The following ENOX1 variants were observed in gnomAD, a reference collection of about 807,000 sequenced individuals.
ENOX1 encodes the protein candidate growth-related and time keeping constitutive hydroquinone (NADH) oxidase.
In ENOX1, 42 loss-of-function variants were observed where a neutral mutation model predicts 82.5. That is an observed-to-expected ratio of 0.51 (90% confidence interval 0.40 to 0.66). The LOEUF (loss-of-function observed/expected upper bound fraction) is 0.66, where lower values mean the gene tolerates loss of function less well. Among genes scored for constraint, ENOX1 ranks in the 30% least tolerant of loss-of-function variants. The probability of loss-of-function intolerance (pLI) is 0.00; values close to 1 mark genes in which losing one functional copy is unlikely to be tolerated. For synonymous variants in ENOX1, 271 were observed against 282.2 expected, an observed-to-expected ratio of 0.96 and a Z score of 0.40; for missense variants, 608 against 811.6, an observed-to-expected ratio of 0.75 and a Z score of 3.05.
chr13:43,694,184 T>G (rs1481592655), intron 1 of ENOX1, among the ~76,000 whole-genome samples: 2 of 150,426 alleles, frequency 1.3e-5, no homozygotes, highest in East Asian at 2.0e-4. Context: ...ATTTTAAAAG[T>G]CAGAGTTTCC....
chr13:43,548,250 A>G (rs1184785144), intron 2 of ENOX1, among the ~76,000 whole-genome samples: 1 of 151,746 alleles, frequency 6.6e-6, no homozygotes, highest in Non-Finnish European at 1.5e-5. Context: ...ATTTCATAAA[A>G]GCAAAACAAC....
chr13:43,638,946 TAC>T (rs549173166), intron 2 of ENOX1, among the ~76,000 whole-genome samples: 86 of 152,338 alleles, frequency 5.6e-4, no homozygotes, highest in African/African-American at 2.0e-3. Flanking sequence ...GGAATATTAA[TAC>T]AATTTTGGGA....
chr13:43,716,075 C>T (rs993424794), intron 1 of ENOX1, among the ~76,000 whole-genome samples: 4 of 152,232 alleles, frequency 2.6e-5, no homozygotes, highest in African/African-American at 7.2e-5. Context: ...AGTCATTCTC[C>T]GTCCAGCTTT....
At chr13:43,428,673 TC>T (rs2055472891) in intron 3 of ENOX1, among the ~76,000 whole-genome samples, 1 of 152,126 alleles carries the variant, frequency 6.6e-6, no homozygotes, top group African/African-American at 2.4e-5. Context: ...CCAAATACAC[TC>T]TCTCTAACAC....
At chr13:43,760,859 GGAAAAAAAA>G (rs1164348102) in intron 1 of ENOX1, among the ~76,000 whole-genome samples, 1 of 79,454 alleles carries the variant, frequency 1.3e-5, no homozygotes, top group African/African-American at 3.4e-5. Context: ...GCATTAAAGT[GGAAAAAAAA>G]AAAAAAAACA....
At chr13:43,446,289 A>G (rs549295536) in intron 3 of ENOX1, among the ~76,000 whole-genome samples, 1 of 152,130 alleles carries the variant, frequency 6.6e-6, no homozygotes, top group Non-Finnish European at 1.5e-5. Flanking sequence ...ATATTTGTGG[A>G]GTGACTACAG....
chr13:43,618,376 G>C (rs1253778991), intron 2 of ENOX1, among the ~76,000 whole-genome samples: 1 of 152,128 alleles, frequency 6.6e-6, no homozygotes, highest in East Asian at 1.9e-4. Context: ...TATAGTTTCA[G>C]GTATCAGGTT....
intron 3 of ENOX1, among the ~76,000 whole-genome samples, chr13:43,473,883 TA>T (rs994740841): frequency 6.6e-6 from 1 of 152,154 alleles, no homozygotes; most frequent in Non-Finnish European, 1.5e-5. Flanking sequence ...TCTCCTTGAG[TA>T]AATCCTAACT....
intron 1 of ENOX1, among the ~76,000 whole-genome samples, chr13:43,734,596 C>A (rs976657812): frequency 6.6e-6 from 1 of 152,232 alleles, no homozygotes; most frequent in Non-Finnish European, 1.5e-5. Flanking sequence ...CAACTTTTCA[C>A]TCTCGTCATG....
intron 2 of ENOX1, among the ~76,000 whole-genome samples, chr13:43,576,135 T>G (rs1318331057): frequency 6.6e-6 from 1 of 152,196 alleles, no homozygotes; most frequent in African/African-American, 2.4e-5. Context: ...GTTAATTGTT[T>G]AAGAAGTGCA....
intron 14 of ENOX1, among the ~76,000 whole-genome samples, chr13:43,259,668 G>A (rs1422081405): frequency 6.6e-6 from 1 of 152,120 alleles, no homozygotes; most frequent in Non-Finnish European, 1.5e-5. Context: ...TAGAGACAGG[G>A]TTTCACCATC....
intron 2 of ENOX1, among the ~76,000 whole-genome samples, chr13:43,589,832 T>C (rs2081160947): frequency 6.7e-6 from 1 of 150,204 alleles, no homozygotes; most frequent in African/African-American, 2.5e-5. Context: ...AAATAAAAGC[T>C]GCCCTTAGTT....
At position 43,599,115 on chromosome 13, in the gene ENOX1, G is replaced by A. The variant is rs559159173; in HGVS notation, c.-219+68364C>T. On this transcript the variant is annotated intron_variant, in intron 2 of 16. Transcript: ENST00000690772. Reference sequence around the variant, plus strand: ...AAGTATTGAACTAGGAGAAAAGAGGGAAGAGGTTTAATAGAACCCTCCACC... The same window carrying A: ...AAGTATTGAACTAGGAGAAAAGAGGAAAGAGGTTTAATAGAACCCTCCACC... Among the ~76,000 whole-genome samples the A allele has an allele frequency of 1.7e-4, 26 of 152,090 alleles. No individual in the cohort carries two copies. The South Asian group carries it at 5.4e-3, about 32-fold the overall frequency.
chr13:43,563,396 A>G (rs185297071), intron 2 of ENOX1, among the ~76,000 whole-genome samples: 1 of 152,260 alleles, frequency 6.6e-6, no homozygotes, highest in Admixed American at 6.5e-5. Context: ...AAACAGTTAG[A>G]AAAGGGAAGT....
chr13:43,230,324 A>G (rs530657750), intron 15 of ENOX1, among the ~76,000 whole-genome samples: 1 of 151,858 alleles, frequency 6.6e-6, no homozygotes, highest in Non-Finnish European at 1.5e-5. Context: ...GAGAGAGGGG[A>G]GGAGGGAATG....
At chr13:43,423,821 C>T (rs1251165060) in intron 3 of ENOX1, among the ~76,000 whole-genome samples, 2 of 152,136 alleles carry the variant, frequency 1.3e-5, no homozygotes, top group Admixed American at 6.5e-5. Flanking sequence ...TCTTGCCTCC[C>T]CCTGGTCAAA....
chr13:43,711,622 G>A (rs1485476802), intron 1 of ENOX1, among the ~76,000 whole-genome samples: 3 of 151,982 alleles, frequency 2.0e-5, no homozygotes, highest in African/African-American at 7.3e-5. Context: ...TCTAACTGGT[G>A]TGAGATGGTA....
At chr13:43,777,101 C>A (rs1414573716) in intron 1 of ENOX1, among the ~76,000 whole-genome samples, 1 of 152,186 alleles carries the variant, frequency 6.6e-6, no homozygotes, top group Non-Finnish European at 1.5e-5. Context: ...TCGCTTGTTG[C>A]CATACAATGG....
intron 1 of ENOX1, among the ~76,000 whole-genome samples, chr13:43,704,185 G>A (rs1256322312): frequency 6.6e-6 from 1 of 151,792 alleles, no homozygotes; most frequent in Non-Finnish European, 1.5e-5. Context: ...CAGAAAAGAA[G>A]AAGAAAAAGT....
Sources: gnomAD v4.1 joint callset for allele counts (sites outside exome capture counted in the v4.1 genomes callset) on GRCh38, gnomAD v4.1.1 for gene constraint, MANE v1.5 for transcripts, NCBI Gene and HGNC (gene_info 2026-07-23, HGNC 2026-07-21) for gene names.